The following DOCK2 variants were observed in gnomAD, a reference collection of about 807,000 sequenced individuals.
DOCK2 encodes the protein dedicator of cytokinesis protein 2.
A neutral mutation model predicts 248.9 loss-of-function variants in DOCK2; 87 were observed. That is an observed-to-expected ratio of 0.35 (90% CI 0.29 to 0.42). The LOEUF (loss-of-function observed/expected upper bound fraction) is 0.42. Among genes scored for constraint, DOCK2 ranks in the 10% least tolerant of loss-of-function variants. DOCK2 has a pLI of 1.00. For synonymous variants in DOCK2, 805 were observed against 821.6 expected, an observed-to-expected ratio of 0.98 and a Z score of 0.35; for missense variants, 1,747 against 2,300.2, an observed-to-expected ratio of 0.76 and a Z score of 4.92.
At chr5:169,673,903 G>C (rs1028522392) in intron 5 of DOCK2, among the ~76,000 whole-genome samples, 4 of 152,198 alleles carry the variant, frequency 2.6e-5, no homozygotes, top group Non-Finnish European at 5.9e-5. Flanking sequence ...CCACACTTTG[G>C]AGAATGCTGC....
intron 27 of DOCK2, among the ~76,000 whole-genome samples, chr5:169,972,493 C>A (rs202105169): frequency 2.0e-5 from 3 of 151,220 alleles, no homozygotes; most frequent in African/African-American, 7.3e-5. Flanking sequence ...TATTTCAAGG[C>A]AATGCCCTTT....
chr5:169,905,954 T>A (rs561792769), intron 27 of DOCK2, among the ~76,000 whole-genome samples: 522 of 152,350 alleles, frequency 3.4e-3, no homozygotes, highest in Non-Finnish European at 3.1e-3. Flanking sequence ...TCTGTTGCCT[T>A]CGTTCAGAAA....
chr5:169,929,040 T>C (rs573380099), intron 27 of DOCK2, among the ~76,000 whole-genome samples: 9 of 152,286 alleles, frequency 5.9e-5, no homozygotes, highest in Non-Finnish European at 1.2e-4. Flanking sequence ...GAAGAGCAGA[T>C]GGAAAGCTTG....
intron 27 of DOCK2, among the ~76,000 whole-genome samples, chr5:169,878,152 G>A (rs1772436418): frequency 6.6e-6 from 1 of 152,144 alleles, no homozygotes; most frequent in Non-Finnish European, 1.5e-5. Flanking sequence ...TGGAAAAGTA[G>A]AGAAGGGAGT....
chr5:169,715,648 A>G lies in DOCK2; in HGVS notation c.1942-565A>G, dbSNP rs1383572173. On this transcript the variant is annotated intron_variant, in intron 19 of 51. Coordinates refer to ENST00000520908, the MANE Select transcript of DOCK2 (RefSeq NM_004946.3). ...TTTAAATATGATATACATATGATGA[A>G]ATAGATACAGAGCAGTTATCTTAAG... 3.3e-5 allele frequency among the ~76,000 whole-genome samples: 5 copies of G among 151,892 alleles called. No homozygotes were observed. The South Asian group carries it at 1.0e-3, about 32-fold the overall frequency.
intron 2 of DOCK2, among the ~76,000 whole-genome samples, chr5:169,660,709 A>G (rs1317472668): frequency 1.3e-5 from 2 of 152,234 alleles, no homozygotes; most frequent in African/African-American, 4.8e-5. Flanking sequence ...TGAGGACATT[A>G]TAAGCACTTA....
chr5:170,023,757 A>T (rs189738686), intron 33 of DOCK2, among the ~76,000 whole-genome samples: 1 of 152,284 alleles, frequency 6.6e-6, no homozygotes, highest in Admixed American at 6.5e-5. Flanking sequence ...TCAAAGGCAG[A>T]CTTACTGGTG....
At position 169,715,731 on chromosome 5, in the gene DOCK2, G is replaced by A. The variant is rs118109553; in HGVS notation, c.1942-482G>A. Among the ~76,000 whole-genome samples the A allele has an allele frequency of 3.3e-5, 5 of 151,716 alleles. No individual in the cohort carries two copies. In the East Asian group the frequency reaches 9.7e-4, roughly 29 times the overall value. On this transcript the variant is annotated intron_variant, in intron 19 of 51. Coordinates refer to ENST00000520908, the MANE Select transcript of DOCK2 (RefSeq NM_004946.3). ...CACCATGTGTACTCACCACCCAGAA[G>A]AGGATACAGACCACTTTTAGCATTA...
chr5:169,819,736 C>G (rs1038693727), intron 26 of DOCK2, among the ~76,000 whole-genome samples: 2 of 152,192 alleles, frequency 1.3e-5, no homozygotes, highest in Non-Finnish European at 2.9e-5. Context: ...AACTGAGGTA[C>G]CGGGTTCATC....
At chr5:169,756,720 G>A (rs1764212178) in intron 23 of DOCK2, among the ~76,000 whole-genome samples, 1 of 152,178 alleles carries the variant, frequency 6.6e-6, no homozygotes, top group African/African-American at 2.4e-5. Context: ...GAGGTCAGGA[G>A]TTCAAGACCA....
intron 35 of DOCK2, among the ~76,000 whole-genome samples, chr5:170,035,417 A>C (rs1756291140): frequency 6.6e-6 from 1 of 152,102 alleles, no homozygotes; most frequent in East Asian, 1.9e-4. Flanking sequence ...AACAGCCTAG[A>C]TATTGCCATT....
At chr5:170,024,206 A>G (rs1755825033) in intron 33 of DOCK2, among the ~76,000 whole-genome samples, 1 of 152,186 alleles carries the variant, frequency 6.6e-6, no homozygotes, top group Non-Finnish European at 1.5e-5. Flanking sequence ...GCAGTGGGGT[A>G]AGGAGTCAAT....
At chr5:169,911,529 T>A (rs1257016891) in intron 27 of DOCK2, among the ~76,000 whole-genome samples, 1 of 152,202 alleles carries the variant, frequency 6.6e-6, no homozygotes, top group Non-Finnish European at 1.5e-5. Context: ...TGGTGAGAGT[T>A]CCTGAGACAG....
chr5:169,995,491 G>C (rs1754586071), intron 29 of DOCK2, among the ~76,000 whole-genome samples: 1 of 152,200 alleles, frequency 6.6e-6, no homozygotes, highest in Admixed American at 6.5e-5. Flanking sequence ...ATTAAACTGT[G>C]ATACATCCAT....
At chr5:170,074,166 C>CA (rs1388609225) in intron 46 of DOCK2, among the ~76,000 whole-genome samples, 62 of 152,126 alleles carry the variant, frequency 4.1e-4, no homozygotes, top group African/African-American at 1.5e-3. Flanking sequence ...TTGTCTTTTT[C>CA]ATGAATGAAG....
At chr5:169,923,190 G>A (rs1775267877) in intron 27 of DOCK2, among the ~76,000 whole-genome samples, 1 of 152,088 alleles carries the variant, frequency 6.6e-6, no homozygotes, top group Admixed American at 6.5e-5. Context: ...ACACAAGCAT[G>A]GGACTGGGTA....
chr5:170,073,770 A>G (rs1757753649), intron 46 of DOCK2, among the ~76,000 whole-genome samples: 1 of 151,894 alleles, frequency 6.6e-6, no homozygotes. Flanking sequence ...ATGATCTTTT[A>G]TGTTTGTACT....
In DOCK2 at chr5:169,774,924, T is replaced by C. The variant is rs77943072; in HGVS notation, c.2554+13299T>C. Among the ~76,000 whole-genome samples the C allele has an allele frequency of 2.9e-3, 438 of 152,310 alleles. 21 individuals are homozygous for C. The East Asian group carries it at 0.069, about 24-fold the overall frequency. On this transcript the variant is annotated intron_variant, in intron 25 of 51. Coordinates refer to ENST00000520908, the MANE Select transcript of DOCK2 (RefSeq NM_004946.3). ...GTTGTTGTTGTTGTTGTTGTTTTCTTTTGAGACAGAGTCTCATTCTGTCAC... is the reference window on the plus strand; with the variant it reads ...GTTGTTGTTGTTGTTGTTGTTTTCTCTTGAGACAGAGTCTCATTCTGTCAC...
At chr5:169,757,573 A>T (rs1317411603) in intron 23 of DOCK2, among the ~76,000 whole-genome samples, 1 of 152,202 alleles carries the variant, frequency 6.6e-6, no homozygotes, top group Non-Finnish European at 1.5e-5. Context: ...CTAGATACAA[A>T]ATCCAATAAC....
Sources: allele counts gnomAD v4.1 joint callset (sites outside exome capture counted in the v4.1 genomes callset), GRCh38; gene constraint gnomAD v4.1.1; transcripts MANE v1.5; gene names NCBI Gene and HGNC (gene_info 2026-07-23, HGNC 2026-07-21).